ABCA8: variants seen among roughly 807,000 people sequenced by gnomAD.
ABCA8 encodes ABC-type organic anion transporter ABCA8.
Under a neutral mutation model 192.3 loss-of-function variants are expected in ABCA8, and 177 were observed. The ratio of observed to expected loss-of-function variants is 0.92; its 90% CI spans 0.81 to 1.04. The LOEUF (loss-of-function observed/expected upper bound fraction) is 1.04. Among genes scored for constraint, ABCA8 ranks in the 50% least tolerant of loss-of-function variants. ABCA8 has a pLI of 0.00. For synonymous variants in ABCA8, 642 were observed against 690.2 expected (o/e 0.93, Z 1.09); for missense variants, 1,915 against 1,904.8 (o/e 1.01, Z -0.10).
At position 68,883,896 on chromosome 17, in the gene ABCA8, G is replaced by C. The variant is rs2143309440; in HGVS notation, c.3616-14C>G. On this transcript the variant is annotated splice_polypyrimidine_tract_variant and intron_variant, in intron 28 of 39. Transcript: ENST00000586539. ...ATGAAGGAAAGGCTAGGAATAAAGA[G>C]AGATGCACAATTAGAAACATAAAAA... The C allele has an allele frequency of 3.5e-6, 5 of 1,432,892 alleles. No individual in the cohort carries two copies. The highest frequency in any genetic ancestry group is 4.8e-6 in the Non-Finnish European group (5 of 1,034,240). 88.8% of individuals were successfully genotyped at this position (1,432,892 alleles called of 1,614,324 possible).
In ABCA8 at chr17:68,932,397, T is replaced by C. The variant is rs145034903; in HGVS notation, c.688A>G (p.Ile230Val). Residue 230 changes from isoleucine (I) to valine (V), a missense_variant, in exon 7 of 40, where the codon ATT becomes GTT. Physicochemically the swap from Ile to Val is conservative, Grantham distance 29. Transcript: ENST00000586539. The part of the protein sequence containing the change: ...VITDLYLFSC[I>V]ISFSSFIYYA... ...TAAATGAATGAGGAAAATGAAATAA[T>C]GCAGGAAAAAAGGTACAAATCAGTT... 256 of 1,613,850 alleles carry C rather than the reference T, an allele frequency of 1.6e-4. 2 individuals are homozygous for C. In the African/African-American group the frequency reaches 3.1e-3, roughly 19 times the overall value.
At chr17:68,899,945 G>A (rs1002656439) in intron 21 of ABCA8, among the ~76,000 whole-genome samples, 3 of 152,108 alleles carry the variant, frequency 2.0e-5, no homozygotes, top group African/African-American at 4.8e-5. Context: ...GCTATGCAGC[G>A]AAAGCATAGC....
At chr17:68,927,429 A>T (rs2067730676) in intron 10 of ABCA8, among the ~76,000 whole-genome samples, 1 of 143,464 alleles carries the variant, frequency 7.0e-6, no homozygotes, top group South Asian at 2.3e-4. Context: ...TGGCTTTCCT[A>T]TTGTGAACTT....
At position 68,931,866 on chromosome 17, in the gene ABCA8, G is replaced by C. The variant is rs184485647; in HGVS notation, c.797+422C>G. 3.3e-3 allele frequency: 479 copies of C among 145,810 alleles called. 3 individuals are homozygous for C. Among genetic ancestry groups the C allele is most frequent in the African/African-American group, 0.012 (465 of 38,410 alleles). 9.0% of individuals were successfully genotyped at this position (145,810 alleles called of 1,614,324 possible). A position where few individuals can be genotyped will look rare whatever the true frequency, so the allele number is the denominator to read the frequency against. On this transcript the variant is annotated intron_variant, in intron 7 of 39. Coordinates refer to ENST00000586539, the MANE Select transcript of ABCA8 (RefSeq NM_001288985.2). ...TCATGATCTGAAATTATTCTGTGTA[G>C]GTATCTCTCATTTGTACCCCTTGGT...
At position 68,935,539 on chromosome 17, in the gene ABCA8, CCTATATATATATAT is replaced by C. The variant is rs571250358; in HGVS notation, c.466+1398_466+1411del. 8.8e-3 allele frequency among the ~76,000 whole-genome samples: 367 copies of C among 41,828 alleles called. 12 individuals are homozygous for C. Among genetic ancestry groups the C allele is most frequent in the Admixed American group, 0.037 (200 of 5,416 alleles). 27.4% of individuals were successfully genotyped at this position (41,828 alleles called of 152,430 possible). ...TTTTAATTTATGGCTGAGTAGTATT[CCTATATATATATAT>C]ATATATATATATATATTATCTTCTT... On this transcript the variant is annotated intron_variant, in intron 5 of 39. Coordinates refer to ENST00000586539, the MANE Select transcript of ABCA8 (RefSeq NM_001288985.2).
At chr17:68,927,353 C>T (rs2067728747) in intron 10 of ABCA8, among the ~76,000 whole-genome samples, 1 of 152,066 alleles carries the variant, frequency 6.6e-6, no homozygotes, top group Admixed American at 6.6e-5. Flanking sequence ...AAAACGAATC[C>T]CTGCTTTTGT....
At chr17:68,882,936 T>C (rs2066370482) in intron 29 of ABCA8, among the ~76,000 whole-genome samples, 1 of 152,174 alleles carries the variant, frequency 6.6e-6, no homozygotes, top group African/African-American at 2.4e-5. Context: ...TGACGAAGAA[T>C]TTTTATATCA....
At chr17:68,902,609 A>G in intron 21 of ABCA8, 104 bp downstream of exon 21, 1 of 971,582 alleles carries the variant, frequency 1.0e-6, no homozygotes, top group Non-Finnish European at 1.4e-6. Context: ...GTTTTTTAAC[A>G]CATGCTGAAT....
chr17:68,942,284 C>T (rs558037178), intron 2 of ABCA8, among the ~76,000 whole-genome samples: 1 of 152,266 alleles, frequency 6.6e-6, no homozygotes, highest in Non-Finnish European at 1.5e-5. Flanking sequence ...TCTCTCAGCC[C>T]TAAATTCACT....
chr17:68,921,834 C>T (rs4147988), intron 12 of ABCA8, among the ~76,000 whole-genome samples: 45,803 of 151,752 alleles, frequency 0.3, 8,614 homozygotes, highest in Non-Finnish European at 0.42. Flanking sequence ...TAAGTTATTA[C>T]ATGGCTAAAA....
chr17:68,874,759 CT>C (rs1249772473), intron 37 of ABCA8, among the ~76,000 whole-genome samples: 1 of 151,978 alleles, frequency 6.6e-6, no homozygotes, highest in East Asian at 1.9e-4. Context: ...TAATTTTTTT[CT>C]GTCTATGAAA....
At chr17:68,874,017 G>A (rs1236118484) in intron 37 of ABCA8, among the ~76,000 whole-genome samples, 2 of 152,140 alleles carry the variant, frequency 1.3e-5, no homozygotes, top group African/African-American at 4.8e-5. Flanking sequence ...AGGGTAAGGT[G>A]AATTGATAAT....
chr17:68,948,231 G>T (rs1598300411), intron 2 of ABCA8, among the ~76,000 whole-genome samples: 1 of 152,136 alleles, frequency 6.6e-6, no homozygotes, highest in African/African-American at 2.4e-5. Flanking sequence ...CTTTATAGTA[G>T]AATGATTTAT....
Position 68,942,008 on chromosome 17 carries a change from A to G in ABCA8, c.27T>C (p.Cys9=). 2 of 1,612,894 alleles carry G rather than the reference A, an allele frequency of 1.2e-6. No homozygotes were observed. The highest frequency in any genetic ancestry group is 1.7e-6 in the Non-Finnish European group (2 of 1,179,234). MRKRKISV[C]QQTWALLCKN... ...TGCATAATAAGGCCCAAGTTTGTTGACACACACTGATCTTTCTCTTCCTCA... is the reference window on the plus strand; with the variant it reads ...TGCATAATAAGGCCCAAGTTTGTTGGCACACACTGATCTTTCTCTTCCTCA... The change falls in exon 3 of 40, where the codon TGT becomes TGC. Residue 9 remains cysteine, a synonymous_variant. Coordinates refer to ENST00000586539, the MANE Select transcript of ABCA8 (RefSeq NM_001288985.2).
In ABCA8 at chr17:68,903,355, A is replaced by G; in HGVS notation, c.2543T>C (p.Ile848Thr). 2 of 1,614,168 alleles carry G rather than the reference A, an allele frequency of 1.2e-6. No individual in the cohort carries two copies. The highest frequency in any genetic ancestry group is 1.7e-6 in the Non-Finnish European group (2 of 1,180,028). The stretch of plus-strand genomic sequence containing the variant: ...TAACTTTAACAAGCGAACCCTTGCA[A>G]TTGCGCAGATTTGCTGTCGCCAGAG... ...VALWRQQICAIARVRLLKLKH... is the reference protein window; with the variant it reads ...VALWRQQICATARVRLLKLKH... Residue 848 changes from isoleucine (I) to threonine (T), a missense_variant, in exon 20 of 40, where the codon ATT becomes ACT. By Grantham distance (89) the Ile-to-Thr change is moderately conservative. Coordinates refer to ENST00000586539, the MANE Select transcript of ABCA8 (RefSeq NM_001288985.2).
chr17:68,879,278 T>A (rs1253827616), intron 32 of ABCA8: 1 of 152,244 alleles, frequency 6.6e-6, no homozygotes, highest in African/African-American at 2.4e-5. Flanking sequence ...TACAGTTTTT[T>A]AAAAACAGTT....
At chr17:68,924,408 G>C (rs1166603698) in intron 11 of ABCA8, among the ~76,000 whole-genome samples, 1 of 151,436 alleles carries the variant, frequency 6.6e-6, no homozygotes, top group Non-Finnish European at 1.5e-5. Context: ...GACCCAGAAA[G>C]CAATGAGGGT....
At chr17:68,893,238 G>A (rs1331896519) in intron 23 of ABCA8, among the ~76,000 whole-genome samples, 1 of 152,072 alleles carries the variant, frequency 6.6e-6, no homozygotes, top group Non-Finnish European at 1.5e-5. Context: ...CATGATCTAT[G>A]TGCTCAAAGA....
At chr17:68,938,363 G>T (rs917690845) in intron 4 of ABCA8, among the ~76,000 whole-genome samples, 4 of 152,080 alleles carry the variant, frequency 2.6e-5, no homozygotes, top group African/African-American at 2.4e-5. Flanking sequence ...CAGTGAAGGG[G>T]TCAGAATCCA....
Sources: gnomAD v4.1 joint callset for allele counts (sites outside exome capture counted in the v4.1 genomes callset) on GRCh38, gnomAD v4.1.1 for gene constraint, MANE v1.5 for transcripts, NCBI Gene and HGNC (gene_info 2026-07-23, HGNC 2026-07-21) for gene names.